Variants in DNAJC5 observed in about 807,000 individuals in gnomAD.
The protein encoded by DNAJC5 is dnaJ homolog subfamily C member 5.
A neutral mutation model predicts 23.2 loss-of-function variants in DNAJC5; 1 was observed. The observed-to-expected ratio is 0.04, with a 90% CI of 0.02 to 0.20. The LOEUF is 0.20. Ranked by LOEUF, DNAJC5 falls within the 10% of genes least tolerant of loss-of-function variation. The pLI is 1.00. For synonymous variants in DNAJC5, 136 were observed against 120.0 expected (o/e 1.13, Z -0.87); for missense variants, 180 against 267.0 (o/e 0.67, Z 2.27).
intron 3 of DNAJC5, among the ~76,000 whole-genome samples, chr20:63,930,061 G>GT (rs1247462741): frequency 6.6e-6 from 1 of 152,204 alleles, no homozygotes; most frequent in Non-Finnish European, 1.5e-5. Flanking sequence ...TCGTTTCCTC[G>GT]TTTTGTTCCA....
intron 1 of DNAJC5, among the ~76,000 whole-genome samples, chr20:63,914,985 C>T (rs186367807): frequency 8.5e-4 from 130 of 152,260 alleles, no homozygotes; most frequent in Admixed American, 2.9e-3. Context: ...AAATAAAGAA[C>T]GCTCAAAATG....
intron 1 of DNAJC5, among the ~76,000 whole-genome samples, chr20:63,927,854 T>G (rs1211682799): frequency 6.6e-6 from 1 of 152,278 alleles, no homozygotes; most frequent in Non-Finnish European, 1.5e-5. Flanking sequence ...ATTTTTCTTG[T>G]AACTTTTTAG....
At chr20:63,917,944 G>A (rs77446257) in intron 1 of DNAJC5, among the ~76,000 whole-genome samples, 9,104 of 152,258 alleles carry the variant, frequency 0.06, 377 homozygotes, top group Non-Finnish European at 0.092. Context: ...GCTTGTTGCT[G>A]TGACGGTCGC....
chr20:63,923,247 G>A (rs950967270), intron 1 of DNAJC5, among the ~76,000 whole-genome samples: 1 of 152,174 alleles, frequency 6.6e-6, no homozygotes, highest in Non-Finnish European at 1.5e-5. Flanking sequence ...CTTGAGACCA[G>A]CCTGGGCAAC....
chr20:63,906,748 T>C (rs1235248289), intron 1 of DNAJC5, among the ~76,000 whole-genome samples: 1 of 152,052 alleles, frequency 6.6e-6, no homozygotes, highest in Non-Finnish European at 1.5e-5. Context: ...ATCGCGCCAC[T>C]GCACTCCAGC....
At chr20:63,921,872 G>A (rs145230043) in intron 1 of DNAJC5, among the ~76,000 whole-genome samples, 33 of 151,936 alleles carry the variant, frequency 2.2e-4, no homozygotes, top group African/African-American at 7.7e-4. Flanking sequence ...TCCTCCTCCC[G>A]GGTTCAAGCC....
chr20:63,905,275 C>T (rs1420556790), intron 1 of DNAJC5, among the ~76,000 whole-genome samples: 2 of 151,594 alleles, frequency 1.3e-5, no homozygotes, highest in African/African-American at 4.9e-5. Context: ...ACCACCATGC[C>T]CGGCTAATTT....
chr20:63,921,565 T>TG (rs2053572887), intron 1 of DNAJC5, among the ~76,000 whole-genome samples: 1 of 141,886 alleles, frequency 7.0e-6, no homozygotes, highest in South Asian at 2.2e-4. Flanking sequence ...CACTCCAGCC[T>TG]GGGAGACAGA....
Position 63,895,194 on chromosome 20 carries a change from TGCC to T in DNAJC5, c.-122_-120del, listed in dbSNP as rs531246320. ...CTGCCGGTGCCGCACCCGCGCCCTC[TGCC>T]GCCGCCGCCGCCGCCGCCCGGGGTC... On this transcript the variant is annotated 5_prime_UTR_variant, in exon 1 of 5. Coordinates refer to ENST00000360864, the MANE Select transcript of DNAJC5 (RefSeq NM_025219.3). The T allele has an allele frequency of 1.6e-4, 25 of 153,526 alleles. No individual in the cohort carries two copies. Among genetic ancestry groups the T allele is most frequent in the Non-Finnish European group, 3.3e-4 (23 of 69,826 alleles). 9.5% of individuals were successfully genotyped at this position (153,526 alleles called of 1,614,324 possible).
rs563818595 is a variant in DNAJC5, at chr20:63,895,147, T to TCCGCTGCCGCTGCCGCTGCCGCTG, written c.-184_-161dup. ...GGGTGCGTGCGTGAGCGTGCTCGTC[T>TCCGCTGCCGCTGCCGCTGCCGCTG]CCGCTGCCGCTGCCGCTGCCGCTGC... On this transcript the variant is annotated 5_prime_UTR_variant, in exon 1 of 5. Coordinates refer to ENST00000360864, the MANE Select transcript of DNAJC5 (RefSeq NM_025219.3). 9 of 154,040 alleles carry TCCGCTGCCGCTGCCGCTGCCGCTG rather than the reference T, an allele frequency of 5.8e-5. No individual in the cohort carries two copies. The highest frequency in any genetic ancestry group is 1.5e-4 in the African/African-American group (6 of 41,286). 9.5% of individuals were successfully genotyped at this position (154,040 alleles called of 1,614,324 possible). A position where few individuals can be genotyped will look rare whatever the true frequency, so the allele number is the denominator to read the frequency against.
intron 1 of DNAJC5, among the ~76,000 whole-genome samples, chr20:63,924,734 G>A (rs904643306): frequency 1.3e-5 from 2 of 152,116 alleles, no homozygotes; most frequent in Admixed American, 6.5e-5. Flanking sequence ...CTGTAGTCCC[G>A]TGCCTGCGGC....
At chr20:63,905,276 C>T (rs1312888416) in intron 1 of DNAJC5, among the ~76,000 whole-genome samples, 5 of 151,450 alleles carry the variant, frequency 3.3e-5, no homozygotes, top group Admixed American at 1.3e-4. Context: ...CCACCATGCC[C>T]GGCTAATTTT....
chr20:63,913,064 T>C (rs77609967), intron 1 of DNAJC5, among the ~76,000 whole-genome samples: 13 of 82,526 alleles, frequency 1.6e-4, no homozygotes, highest in African/African-American at 8.1e-4. Context: ...AAAGAGGTAG[T>C]TCCCTGCCCC....
chr20:63,931,854 G>A lies in DNAJC5; in HGVS notation c.*286G>A, dbSNP rs886056940. ...GTTGTGGACATTCCGCGGCATGACC[G>A]CGTGAACTGCACGGTGGAGCTGCCT... On this transcript the variant is annotated 3_prime_UTR_variant, in exon 5 of 5. Coordinates refer to ENST00000360864, the MANE Select transcript of DNAJC5 (RefSeq NM_025219.3). This position sits in a 1 kb window ranked among gnomAD's most constrained non-coding sequence, Gnocchi z 9.6. The A allele has an allele frequency of 1.3e-5, 6 of 464,316 alleles. No individual in the cohort carries two copies. The highest frequency in any genetic ancestry group is 2.0e-5 in the South Asian group (1 of 49,438). The allele number at this position is 464,316 out of a possible 1,614,324, so 28.8% of individuals were successfully genotyped here.
chr20:63,902,337 A>T (rs1169787406), intron 1 of DNAJC5, among the ~76,000 whole-genome samples: 2 of 143,144 alleles, frequency 1.4e-5, no homozygotes, highest in Admixed American at 7.1e-5. Context: ...TACAGGCGTG[A>T]GCCACTGCTC....
intron 1 of DNAJC5, among the ~76,000 whole-genome samples, chr20:63,895,730 G>C (rs2053370922): frequency 6.6e-6 from 1 of 152,192 alleles, no homozygotes; most frequent in East Asian, 1.9e-4. Flanking sequence ...TAGGGAGGCA[G>C]ATAATTTAGT....
At chr20:63,904,334 G>C (rs949408263) in intron 1 of DNAJC5, among the ~76,000 whole-genome samples, 1 of 152,162 alleles carries the variant, frequency 6.6e-6, no homozygotes, top group African/African-American at 2.4e-5. Context: ...GGTTTCTGTT[G>C]GTGCTGTTTT....
chr20:63,898,269 C>T (rs991346033), intron 1 of DNAJC5, among the ~76,000 whole-genome samples: 1 of 152,010 alleles, frequency 6.6e-6, no homozygotes, highest in African/African-American at 2.4e-5. Context: ...TGCAGTGGGG[C>T]GGGGAGTCAT....
chr20:63,918,715 C>T (rs536351819), intron 1 of DNAJC5, among the ~76,000 whole-genome samples: 1 of 152,348 alleles, frequency 6.6e-6, no homozygotes, highest in African/African-American at 2.4e-5. Flanking sequence ...CCGCCTCAGC[C>T]TCCCGAGTAG....
Sources: gnomAD v4.1 joint callset for allele counts (sites outside exome capture counted in the v4.1 genomes callset) on GRCh38, gnomAD v4.1.1 for gene constraint, Gnocchi (gnomAD v3.1) non-coding constraint, MANE v1.5 for transcripts, NCBI Gene and HGNC (gene_info 2026-07-23, HGNC 2026-07-21) for gene names.